Variants in IHO1 observed in about 807,000 individuals in gnomAD.
The protein encoded by IHO1 is interactor of HORMAD1 1, also known as interactor of HORMAD1 protein 1.
IHO1 carries 13 observed loss-of-function variants against 31.0 expected under a neutral mutation model. That is an observed-to-expected ratio of 0.42 (90% confidence interval 0.27 to 0.67). IHO1 has a LOEUF of 0.67. Among genes scored for constraint, IHO1 ranks in the 30% least tolerant of loss-of-function variants. The pLI is 0.24. For missense variants in IHO1, 599 were observed against 687.5 expected (o/e 0.87, Z 1.44); for synonymous variants, 221 against 248.4 (o/e 0.89, Z 1.04).
At chr3:49,211,979 G>A (rs942277721) in intron 2 of IHO1, 143 bp downstream of exon 2, 3 of 488,256 alleles carry the variant, frequency 6.1e-6, no homozygotes, top group Non-Finnish European at 1.1e-5. Flanking sequence ...TGGCTAACAC[G>A]GTGAAACCCC....
chr3:49,232,755 G>C (rs1056007275), intron 2 of IHO1, among the ~76,000 whole-genome samples: 3 of 152,184 alleles, frequency 2.0e-5, no homozygotes, highest in Non-Finnish European at 2.9e-5. Flanking sequence ...AGGACAACCA[G>C]TCACAATTGT....
chr3:49,196,526 A>T (rs185530527), upstream of IHO1, among the ~76,000 whole-genome samples: 10 of 149,588 alleles, frequency 6.7e-5, no homozygotes, highest in African/African-American at 2.4e-4. Flanking sequence ...TCTGTCGCCC[A>T]GGCTGGAGTG....
intron 6 of IHO1, among the ~76,000 whole-genome samples, chr3:49,253,179 A>T (rs1431519910): frequency 2.6e-5 from 4 of 151,916 alleles, no homozygotes; most frequent in Non-Finnish European, 5.9e-5. Context: ...TAATCCCAGC[A>T]CTTTGGGAGG....
chr3:49,243,014 C>T (rs2046650129), intron 4 of IHO1, among the ~76,000 whole-genome samples: 1 of 152,022 alleles, frequency 6.6e-6, no homozygotes, highest in South Asian at 2.1e-4. Context: ...AAGCATAGTA[C>T]CCAATAGCTA....
At chr3:49,237,631 G>A (rs903677854) in intron 3 of IHO1, among the ~76,000 whole-genome samples, 1 of 151,630 alleles carries the variant, frequency 6.6e-6, no homozygotes, top group African/African-American at 2.4e-5. Flanking sequence ...CCTAAGGCTA[G>A]TCATACTATT....
At chr3:49,250,275 A>G (rs1275625639) in intron 6 of IHO1, among the ~76,000 whole-genome samples, 1 of 152,158 alleles carries the variant, frequency 6.6e-6, no homozygotes, top group South Asian at 2.1e-4. Context: ...TTTTTATACT[A>G]TTATGGTTTT....
At chr3:49,250,938 C>T (rs373486574) in intron 6 of IHO1, among the ~76,000 whole-genome samples, 82 of 151,902 alleles carry the variant, frequency 5.4e-4, no homozygotes, top group Admixed American at 2.0e-3. Context: ...GCAGGAGAAT[C>T]GCTTGAACCC....
chr3:49,208,034 ACT>A lies in IHO1; in HGVS notation c.-15-3731_-15-3730del, dbSNP rs540906666. 1.9e-3 allele frequency among the ~76,000 whole-genome samples: 286 copies of A among 152,252 alleles called. 1 individual carries two copies. The highest frequency in any genetic ancestry group is 3.1e-3 in the Non-Finnish European group (209 of 68,016). On this transcript the variant is annotated intron_variant, in intron 1 of 7. Coordinates refer to ENST00000452691, the MANE Select transcript of IHO1 (RefSeq NM_001135197.2). ...TGATCCGCCCGCCTCGGCCTCCCAA[ACT>A]GCCGGGATTACAGGCGTGAGCCACT...
intron 2 of IHO1, among the ~76,000 whole-genome samples, chr3:49,232,867 A>C (rs751091740): frequency 6.6e-6 from 1 of 152,220 alleles, no homozygotes; most frequent in Non-Finnish European, 1.5e-5. Context: ...CGTATTTATC[A>C]ATCTTGGCTG....
Position 49,256,859 on chromosome 3 carries a change from C to T in IHO1, c.1362C>T (p.Gly454=). Residue 454 remains glycine (G), a synonymous_variant, in exon 8 of 8, where the codon GGC becomes GGT. Transcript: ENST00000452691. The surrounding 1 kb of genome is among the most constrained non-coding windows in gnomAD (Gnocchi z 4.6). ...QPRKAHRAHR[G]RLIASKQKQI... is the part of the protein sequence containing the mutation. The stretch of plus-strand genomic sequence containing the variant: ...GGAAGGCCCACAGGGCCCACAGAGG[C>T]AGGCTCATAGCCAGCAAGCAAAAAC... The T allele has an allele frequency of 6.2e-7, 1 of 1,614,238 alleles. No homozygotes were observed. The highest frequency in any genetic ancestry group is 8.5e-7 in the Non-Finnish European group (1 of 1,180,048).
intron 2 of IHO1, among the ~76,000 whole-genome samples, chr3:49,220,209 C>G (rs970979686): frequency 2.0e-5 from 3 of 152,208 alleles, no homozygotes; most frequent in African/African-American, 4.8e-5. Context: ...TGAGCCTTTT[C>G]CTTTTAAATT....
At chr3:49,223,474 G>A (rs529257258) in intron 2 of IHO1, among the ~76,000 whole-genome samples, 1 of 152,184 alleles carries the variant, frequency 6.6e-6, no homozygotes, top group Non-Finnish European at 1.5e-5. Context: ...GGCGGATCAC[G>A]AGGTCAGGAG....
At chr3:49,236,828 T>A (rs529560166) in intron 3 of IHO1, 106 bp downstream of exon 3, 1 of 1,077,360 alleles carries the variant, frequency 9.3e-7, no homozygotes, top group Admixed American at 2.8e-5. Context: ...ACACCTGTAA[T>A]CCCTGCACTT....
rs868640852 is a variant in IHO1, at chr3:49,253,723, G to A, written c.533-1667G>A. On this transcript the variant is annotated intron_variant, in intron 6 of 7. Transcript: ENST00000452691. ...AGTTACATGGTCTCAAGCACAGTACGCTTTTCCTTTAGAGCAGTTATTACA... is the reference window on the plus strand; with the variant it reads ...AGTTACATGGTCTCAAGCACAGTACACTTTTCCTTTAGAGCAGTTATTACA... Among the ~76,000 whole-genome samples the A allele has an allele frequency of 4.6e-5, 7 of 151,766 alleles. No homozygotes were observed. In the East Asian group the frequency reaches 7.7e-4, roughly 17 times the overall value.
intron 6 of IHO1, among the ~76,000 whole-genome samples, chr3:49,250,505 G>A (rs891749961): frequency 6.6e-6 from 1 of 152,130 alleles, no homozygotes; most frequent in African/African-American, 2.4e-5. Flanking sequence ...TTTTGTGAGG[G>A]TCAGTAATGC....
rs556198531 is a variant in IHO1, at chr3:49,217,932, G to A, written c.56+6096G>A. Among the ~76,000 whole-genome samples, 12 of 152,346 alleles carry A rather than the reference G, an allele frequency of 7.9e-5. No individual in the cohort carries two copies. The South Asian group carries it at 2.1e-3, about 26-fold the overall frequency. Reference sequence around the variant, plus strand: ...CTGGGCAACATGACTGTCAGTTCCCGGGTCTGGGTCCAGCCCATGCTGAAG... The same window carrying A: ...CTGGGCAACATGACTGTCAGTTCCCAGGTCTGGGTCCAGCCCATGCTGAAG... On this transcript the variant is annotated intron_variant, in intron 2 of 7. Coordinates refer to ENST00000452691, the MANE Select transcript of IHO1 (RefSeq NM_001135197.2).
chr3:49,202,575 A>AC (rs1294418941), intron 1 of IHO1, among the ~76,000 whole-genome samples: 1 of 149,320 alleles, frequency 6.7e-6, no homozygotes, highest in Non-Finnish European at 1.5e-5. Context: ...ATGGGGTTTC[A>AC]CCGTGTTAGC....
At position 49,241,282 on chromosome 3, in the gene IHO1, T is replaced by C. The variant is rs375653505; in HGVS notation, c.288T>C (p.Asp96=). Residue 96 remains aspartate (D), a synonymous_variant, in exon 4 of 8, where the codon GAT becomes GAC. Transcript: ENST00000452691. The part of the protein sequence containing the change: ...YQTKPQLFGG[D]IKDGGLFPPP... ...CAAAGCCCCAGCTGTTCGGAGGAGA[T>C]ATAAAAGATGGAGGTTTATTTCCTC... 1.9e-6 allele frequency: 3 copies of C among 1,613,942 alleles called. No homozygotes were observed. The highest frequency in any genetic ancestry group is 3.3e-5 in the Admixed American group (2 of 59,984).
intron 2 of IHO1, among the ~76,000 whole-genome samples, chr3:49,228,060 G>C (rs1260373983): frequency 1.3e-5 from 2 of 152,190 alleles, no homozygotes; most frequent in African/African-American, 4.8e-5. Flanking sequence ...GTGGTTTTTA[G>C]AAGCAGGACT....
Sources: allele counts gnomAD v4.1 joint callset (sites outside exome capture counted in the v4.1 genomes callset), GRCh38; gene constraint gnomAD v4.1.1; non-coding constraint Gnocchi (gnomAD v3.1); transcripts MANE v1.5; gene names NCBI Gene and HGNC (gene_info 2026-07-23, HGNC 2026-07-21).